RIPOR2: variants seen among roughly 807,000 people sequenced by gnomAD.
RIPOR2 encodes the protein rho family-interacting cell polarization regulator 2.
Under a neutral mutation model 114.5 loss-of-function variants are expected in RIPOR2, and 39 were observed. The observed-to-expected ratio is 0.34, with a 90% confidence interval of 0.26 to 0.44. The LOEUF is 0.44. RIPOR2 is among the 20% of genes least tolerant of loss of function. RIPOR2 has a pLI of 1.00. For synonymous variants in RIPOR2, 445 were observed against 484.4 expected (o/e 0.92, Z 1.07); for missense variants, 1,007 against 1,255.1 (o/e 0.80, Z 2.99).
At chr6:24,992,464 A>C (rs572692704) in intron 1 of RIPOR2, among the ~76,000 whole-genome samples, 1 of 152,330 alleles carries the variant, frequency 6.6e-6, no homozygotes, top group East Asian at 1.9e-4. Flanking sequence ...AGGCAATCCA[A>C]GTCACAATTG....
intron 1 of RIPOR2, among the ~76,000 whole-genome samples, chr6:25,035,644 G>A (rs1777208314): frequency 6.6e-6 from 1 of 152,152 alleles, no homozygotes; most frequent in African/African-American, 2.4e-5. Context: ...GGAGGCCGGG[G>A]GAGAAACATG....
chr6:24,895,005 G>A (rs1229031750), intron 1 of RIPOR2, among the ~76,000 whole-genome samples: 1 of 152,072 alleles, frequency 6.6e-6, no homozygotes, highest in Non-Finnish European at 1.5e-5. Flanking sequence ...CACTAATTTA[G>A]AGGTTCTCAA....
At chr6:24,856,287 G>T (rs1276458953) in intron 8 of RIPOR2, among the ~76,000 whole-genome samples, 1 of 151,982 alleles carries the variant, frequency 6.6e-6, no homozygotes, top group Non-Finnish European at 1.5e-5. Flanking sequence ...CACTTAAAAA[G>T]ACTTACTGAA....
At position 25,010,913 on chromosome 6, in the gene RIPOR2, C is replaced by T. The variant is rs552393683; in HGVS notation, c.76+30938G>A. The stretch of plus-strand genomic sequence containing the variant: ...ACAAATGATCCCCATGCGTGCTACA[C>T]TAGAAGTGTGTGCAAGTAGCATAGG... On this transcript the variant is annotated intron_variant, in intron 1 of 13. Coordinates refer to the RIPOR2 transcript ENST00000510784. Among the ~76,000 whole-genome samples, 8 of 152,338 alleles carry T rather than the reference C, an allele frequency of 5.3e-5. 1 individual carries two copies. In the South Asian group the frequency reaches 1.7e-3, roughly 32 times the overall value.
At chr6:24,963,504 T>G (rs1463923998) in intron 1 of RIPOR2, among the ~76,000 whole-genome samples, 1 of 152,154 alleles carries the variant, frequency 6.6e-6, no homozygotes, top group African/African-American at 2.4e-5. Flanking sequence ...ATAGAACAAA[T>G]GGTATATATG....
At chr6:25,031,698 G>C (rs1432296488) in intron 1 of RIPOR2, among the ~76,000 whole-genome samples, 1 of 47,996 alleles carries the variant, frequency 2.1e-5, no homozygotes, top group African/African-American at 7.3e-5. Context: ...GTAGGTGGTA[G>C]TTATATATAT....
At chr6:24,926,533 T>C (rs1260977877) in intron 1 of RIPOR2, among the ~76,000 whole-genome samples, 3 of 152,200 alleles carry the variant, frequency 2.0e-5, no homozygotes, top group Non-Finnish European at 2.9e-5. Flanking sequence ...GGAGATCAGA[T>C]AGCAATCAGG....
rs867642675 is a variant in RIPOR2 at position 24,974,694 on chromosome 6, T to C, written c.76+67157A>G. Among the ~76,000 whole-genome samples, 10 of 152,306 alleles carry C rather than the reference T, an allele frequency of 6.6e-5. 1 individual carries two copies. The Middle Eastern group carries it at 0.024, about 363-fold the overall frequency. On this transcript the variant is annotated intron_variant, in intron 1 of 13. Coordinates refer to the RIPOR2 transcript ENST00000510784. ...GAAGATATTTGTCCACACAAAAACA[T>C]GTATGCAAATGTTTGTGGCAGCATT...
At position 24,865,437 on chromosome 6, in the gene RIPOR2, T is replaced by C. The variant is rs890046954; in HGVS notation, c.515A>G (p.Tyr172Cys). 6.2e-7 allele frequency: 1 copy of C among 1,610,540 alleles called. No individual in the cohort carries two copies. The highest frequency in any genetic ancestry group is 1.3e-5 in the African/African-American group (1 of 74,854). Residue 172 changes from tyrosine (Y) to cysteine (C), a missense_variant, in exon 7 of 22, where the codon TAT becomes TGT. By Grantham distance (194) the Tyr-to-Cys change is radical. Transcript: ENST00000643898. ...EFHISKVDEL[Y>C]EAYCIQRRLQ... Reference sequence around the variant, plus strand: ...GCGTCGCTGGATACAATAAGCTTCATAGAGTTCATCTACCTGCCAGAATCA... The same window carrying C: ...GCGTCGCTGGATACAATAAGCTTCACAGAGTTCATCTACCTGCCAGAATCA...
At chr6:25,031,928 C>G (rs1315814484) in intron 1 of RIPOR2, among the ~76,000 whole-genome samples, 1 of 150,348 alleles carries the variant, frequency 6.7e-6, no homozygotes, top group Admixed American at 6.6e-5. Context: ...TGTTGGAAAA[C>G]ATTTGAAAAT....
At position 24,805,707 on chromosome 6, in the gene RIPOR2, A is replaced by T. The variant is rs975371238; in HGVS notation, c.*666T>A. The T allele has an allele frequency of 6.6e-6, 1 of 152,188 alleles. No homozygotes were observed. The highest frequency in any genetic ancestry group is 2.4e-5 in the African/African-American group (1 of 41,448). 9.4% of individuals were successfully genotyped at this position (152,188 alleles called of 1,614,324 possible). On this transcript the variant is annotated 3_prime_UTR_variant, in exon 22 of 22. Coordinates refer to ENST00000643898, the MANE Select transcript of RIPOR2 (RefSeq NM_001286445.3). ...CTGCAAGGCATATGATGTTTGTCGA[A>T]GTATCACATGACTATTTCAAGCTTA...
At chr6:24,961,495 G>A (rs554576396) in intron 1 of RIPOR2, among the ~76,000 whole-genome samples, 5 of 152,286 alleles carry the variant, frequency 3.3e-5, no homozygotes, top group Admixed American at 3.3e-4. Context: ...GTGCTCTGGG[G>A]CAAGTCACTT....
At chr6:24,918,143 A>G (rs1418236667) in intron 1 of RIPOR2, among the ~76,000 whole-genome samples, 1 of 152,150 alleles carries the variant, frequency 6.6e-6, no homozygotes, top group Non-Finnish European at 1.5e-5. Flanking sequence ...TGAGGTGGGA[A>G]TATGCATTCC....
At chr6:24,988,374 A>G (rs1774631258) in intron 1 of RIPOR2, among the ~76,000 whole-genome samples, 1 of 152,136 alleles carries the variant, frequency 6.6e-6, no homozygotes, top group Non-Finnish European at 1.5e-5. Flanking sequence ...GGATTTTGCC[A>G]TGTTGGCCAG....
At position 24,848,011 on chromosome 6, in the gene RIPOR2, TA is replaced by T. The variant is rs1762488497; in HGVS notation, c.1164+13del. 6.2e-7 allele frequency: 1 copy of T among 1,613,728 alleles called. No homozygotes were observed. The highest frequency in any genetic ancestry group is 1.1e-5 in the South Asian group (1 of 91,076). On this transcript the variant is annotated intron_variant, in intron 12 of 21. Transcript: ENST00000643898. ...GGTGCATTGATTCTACTCGGGAAAT[TA>T]CACTGAACTTACAAAGAAGGAGTGG...
At chr6:24,914,714 A>G (rs1245861419) in intron 1 of RIPOR2, among the ~76,000 whole-genome samples, 1 of 152,236 alleles carries the variant, frequency 6.6e-6, no homozygotes, top group East Asian at 1.9e-4. Context: ...AACAAGTCTT[A>G]TGGTTCTTAC....
chr6:25,031,834 T>C (rs1398643025), intron 1 of RIPOR2, among the ~76,000 whole-genome samples: 1 of 143,532 alleles, frequency 7.0e-6, no homozygotes, highest in Non-Finnish European at 1.5e-5. Context: ...TTATATATAA[T>C]ACAAAAAGGT....
chr6:24,826,942 A>T (rs956609759), intron 18 of RIPOR2, among the ~76,000 whole-genome samples: 2 of 152,020 alleles, frequency 1.3e-5, no homozygotes, highest in Non-Finnish European at 2.9e-5. Context: ...TTTTATAATG[A>T]AAGAAAAAAG....
At chr6:24,962,762 C>T (rs1773361741) in intron 1 of RIPOR2, among the ~76,000 whole-genome samples, 1 of 152,122 alleles carries the variant, frequency 6.6e-6, no homozygotes, top group African/African-American at 2.4e-5. Flanking sequence ...TTCATCCTGG[C>T]TTCCTTAGTC....
Sources: allele counts gnomAD v4.1 joint callset (sites outside exome capture counted in the v4.1 genomes callset), GRCh38; gene constraint gnomAD v4.1.1; transcripts MANE v1.5; gene names NCBI Gene and HGNC (gene_info 2026-07-23, HGNC 2026-07-21).